Variants in LRRTM4 observed in about 807,000 individuals in gnomAD.
LRRTM4 encodes leucine rich repeat transmembrane neuronal 4, also known as leucine-rich repeat transmembrane neuronal protein 4.
In LRRTM4, 25 loss-of-function variants were observed where a neutral mutation model predicts 47.6. The ratio of observed to expected loss-of-function variants is 0.53; its 90% CI spans 0.38 to 0.73. The LOEUF (loss-of-function observed/expected upper bound fraction) is 0.73. Among genes scored for constraint, LRRTM4 ranks in the 30% least tolerant of loss-of-function variants. The pLI is 0.00. For missense variants in LRRTM4, 638 were observed against 713.4 expected (o/e 0.89, Z 1.20); for synonymous variants, 311 against 269.5 (o/e 1.15, Z -1.51).
intron 3 of LRRTM4, among the ~76,000 whole-genome samples, chr2:77,135,331 G>A (rs1428794291): frequency 6.6e-6 from 1 of 152,162 alleles, no homozygotes; most frequent in Non-Finnish European, 1.5e-5. Flanking sequence ...TATGTTAAAT[G>A]GCACATTGGC....
At position 77,355,177 on chromosome 2, in the gene LRRTM4, A is replaced by G. The variant is rs959541211; in HGVS notation, c.1551+163141T>C. 5.3e-5 allele frequency among the ~76,000 whole-genome samples: 8 copies of G among 152,208 alleles called. No individual in the cohort carries two copies. The East Asian group carries it at 1.2e-3, about 22-fold the overall frequency. Reference sequence around the variant, plus strand: ...AAATGAAAGTGTTATTTATTATACCATATGTATATGTAGGTAAGTAATGTA... The same window carrying G: ...AAATGAAAGTGTTATTTATTATACCGTATGTATATGTAGGTAAGTAATGTA... On this transcript the variant is annotated intron_variant, in intron 3 of 3. Coordinates refer to ENST00000409884, the MANE Select transcript of LRRTM4 (RefSeq NM_001134745.3).
At chr2:76,855,588 C>T (rs956572421) in intron 3 of LRRTM4, among the ~76,000 whole-genome samples, 1 of 151,928 alleles carries the variant, frequency 6.6e-6, no homozygotes. Context: ...ACAAAACTAC[C>T]AAAAGGATGT....
At chr2:76,860,176 G>C (rs1160860550) in intron 3 of LRRTM4, among the ~76,000 whole-genome samples, 3 of 152,094 alleles carry the variant, frequency 2.0e-5, no homozygotes, top group Non-Finnish European at 2.9e-5. Context: ...ACAATATACT[G>C]TTCTCAGTCT....
At chr2:77,024,395 G>T (rs1269942280) in intron 3 of LRRTM4, among the ~76,000 whole-genome samples, 2 of 151,198 alleles carry the variant, frequency 1.3e-5, no homozygotes, top group African/African-American at 4.9e-5. Context: ...ATTCATCAAT[G>T]TTGTCACAAT....
intron 3 of LRRTM4, among the ~76,000 whole-genome samples, chr2:77,170,555 G>A (rs1289262889): frequency 1.3e-5 from 2 of 152,104 alleles, no homozygotes; most frequent in African/African-American, 4.8e-5. Flanking sequence ...GTGTTGTATT[G>A]TTTTAAGACA....
intron 3 of LRRTM4, among the ~76,000 whole-genome samples, chr2:77,413,368 T>G (rs2103864436): frequency 6.6e-6 from 1 of 151,398 alleles, no homozygotes; most frequent in African/African-American, 2.5e-5. Flanking sequence ...GCTGCCTCTC[T>G]TCATGTAACC....
At chr2:76,966,250 G>A (rs1558766471) in intron 3 of LRRTM4, among the ~76,000 whole-genome samples, 3 of 151,456 alleles carry the variant, frequency 2.0e-5, no homozygotes, top group East Asian at 3.9e-4. Context: ...GGAGAAAGGA[G>A]GAATTCTAGT....
intron 3 of LRRTM4, among the ~76,000 whole-genome samples, chr2:76,985,070 A>C (rs1676746373): frequency 6.6e-6 from 1 of 151,982 alleles, no homozygotes. Context: ...TGGGTCTTTC[A>C]AAATCCCATA....
intron 3 of LRRTM4, among the ~76,000 whole-genome samples, chr2:77,325,206 T>C (rs1670715151): frequency 6.6e-6 from 1 of 152,162 alleles, no homozygotes; most frequent in Non-Finnish European, 1.5e-5. Context: ...ATATTTTCTA[T>C]ATCCAAATCC....
intron 3 of LRRTM4, among the ~76,000 whole-genome samples, chr2:77,190,905 T>C (rs902808187): frequency 1.6e-4 from 24 of 152,200 alleles, no homozygotes; most frequent in African/African-American, 5.3e-4. Context: ...ACATTCCTAA[T>C]GTAGTATGGA....
chr2:77,403,254 C>A (rs994073635), intron 3 of LRRTM4, among the ~76,000 whole-genome samples: 1 of 151,918 alleles, frequency 6.6e-6, no homozygotes, highest in Admixed American at 6.6e-5. Flanking sequence ...ACTGCCATCA[C>A]CCGCACCCCC....
chr2:77,059,565 G>A (rs987357823), intron 3 of LRRTM4, among the ~76,000 whole-genome samples: 2 of 152,140 alleles, frequency 1.3e-5, no homozygotes, highest in Non-Finnish European at 2.9e-5. Context: ...TCAAGTCACT[G>A]GCAAGAGACT....
intron 3 of LRRTM4, among the ~76,000 whole-genome samples, chr2:77,315,534 A>T (rs1342290366): frequency 1.3e-5 from 2 of 152,218 alleles, no homozygotes; most frequent in Non-Finnish European, 2.9e-5. Flanking sequence ...TGTAATAATT[A>T]TGACTAATTA....
chr2:76,960,727 T>C (rs1248814020), intron 3 of LRRTM4, among the ~76,000 whole-genome samples: 2 of 151,616 alleles, frequency 1.3e-5, no homozygotes, highest in South Asian at 2.1e-4. Context: ...TCATTTGTTA[T>C]GTAACACTAT....
At chr2:76,919,001 AG>A (rs1205108871) in intron 3 of LRRTM4, among the ~76,000 whole-genome samples, 1 of 152,186 alleles carries the variant, frequency 6.6e-6, no homozygotes, top group East Asian at 1.9e-4. Context: ...TAAAATCAGC[AG>A]AGAAAAGGTG....
intron 3 of LRRTM4, among the ~76,000 whole-genome samples, chr2:76,966,346 A>G (rs1676023219): frequency 6.6e-6 from 1 of 151,344 alleles, no homozygotes; most frequent in Non-Finnish European, 1.5e-5. Flanking sequence ...GAGAGAAAGA[A>G]AAGAGAGACA....
intron 3 of LRRTM4, among the ~76,000 whole-genome samples, chr2:77,480,841 G>GTGT: frequency 1.3e-5 from 1 of 77,716 alleles, no homozygotes; most frequent in South Asian, 3.2e-4. Flanking sequence ...GAGAGAGAGA[G>GTGT]AGAGAGAGAG....
chr2:77,519,062 C>G lies in LRRTM4; in HGVS notation c.807G>C (p.Glu269Asp), dbSNP rs753198911. ...TGGGGAGGCATTTAAATGTGCCCGG[C>G]TCAATTCCTTGGATGTCATTCCCTG... ...DLSGNDIQGI[E>D]PGTFKCLPNL... is the part of the protein sequence containing the mutation. Residue 269 changes from glutamate (E) to aspartate (D), a missense_variant, in exon 3 of 4, where the codon GAG becomes GAC. Glu to Asp is a conservative substitution (Grantham distance 45, BLOSUM62 2). Coordinates refer to ENST00000409884, the MANE Select transcript of LRRTM4 (RefSeq NM_001134745.3). This position sits in a 1 kb window ranked among gnomAD's most constrained non-coding sequence, Gnocchi z 4.6. 1.3e-5 allele frequency: 21 copies of G among 1,612,478 alleles called. No individual in the cohort carries two copies. Among genetic ancestry groups the G allele is most frequent in the Non-Finnish European group, 1.8e-5 (21 of 1,179,316 alleles).
intron 3 of LRRTM4, among the ~76,000 whole-genome samples, chr2:76,916,324 G>GCAGT (rs1164683493): frequency 7.0e-6 from 1 of 142,824 alleles, no homozygotes; most frequent in African/African-American, 2.7e-5. Flanking sequence ...GGTGGAGCTT[G>GCAGT]CAGTCAGCAG....
Sources: allele counts gnomAD v4.1 joint callset (sites outside exome capture counted in the v4.1 genomes callset), GRCh38; gene constraint gnomAD v4.1.1; non-coding constraint Gnocchi (gnomAD v3.1); transcripts MANE v1.5; gene names NCBI Gene and HGNC (gene_info 2026-07-23, HGNC 2026-07-21).